The following ZNF276 variants were observed in gnomAD, a reference collection of about 807,000 sequenced individuals.
ZNF276 encodes the protein zinc finger protein 276, also known as centromere protein Z.
Under a neutral mutation model 63.9 loss-of-function variants are expected in ZNF276, and 59 were observed. The observed-to-expected ratio is 0.92, with a 90% CI of 0.75 to 1.15. The LOEUF is 1.15. Ranked by LOEUF, ZNF276 falls within the 50% of genes most tolerant of loss-of-function variation. The probability of loss-of-function intolerance (pLI) is 0.00; values close to 1 mark genes in which losing one functional copy is unlikely to be tolerated. For synonymous variants in ZNF276, 496 were observed against 348.4 expected (o/e 1.42, Z -4.72); for missense variants, 1,084 against 843.8 (o/e 1.28, Z -3.53).
intron 5 of ZNF276, 36 bp downstream of exon 5, chr16:89,727,393 C>G (rs955842135): frequency 1.9e-6 from 3 of 1,601,420 alleles, no homozygotes; most frequent in Non-Finnish European, 2.6e-6. Flanking sequence ...CCTAAAATTT[C>G]TCCTTCAAAA....
At chr16:89,732,989 CCTG>C in intron 6 of ZNF276, 1 of 262,338 alleles carries the variant, frequency 3.8e-6, no homozygotes, top group Non-Finnish European at 7.9e-6. Flanking sequence ...TCGCCCTGAC[CCTG>C]CTGTACCCTG....
chr16:89,739,581 ACT>A lies in ZNF276; in HGVS notation c.*1338_*1339del, dbSNP rs1007466072. The A allele has an allele frequency of 3.9e-6, 6 of 1,549,044 alleles. 1 individual carries two copies. In the African/African-American group the frequency reaches 5.5e-5, roughly 14 times the overall value. ...GCAACACCAAGAAGTGGCTCAGGCA[ACT>A]CTGGACATCTCTGCCTATTATCAGT... On this transcript the variant is annotated 3_prime_UTR_variant, in exon 11 of 11. Coordinates refer to ENST00000443381, the MANE Select transcript of ZNF276 (RefSeq NM_001113525.2).
In ZNF276 at chr16:89,739,334, A is replaced by G; in HGVS notation, c.*1088A>G. Reference sequence around the variant, plus strand: ...GACAAATGGCTACAGACTGCTGGAAAGGTAGCAGGTGATGCCAAGGGATAC... The same window carrying G: ...GACAAATGGCTACAGACTGCTGGAAGGGTAGCAGGTGATGCCAAGGGATAC... On this transcript the variant is annotated 3_prime_UTR_variant, in exon 11 of 11. Transcript: ENST00000443381. The G allele has an allele frequency of 1.9e-6, 3 of 1,611,664 alleles. No individual in the cohort carries two copies. Among genetic ancestry groups the G allele is most frequent in the African/African-American group, 1.3e-5 (1 of 75,028 alleles).
chr16:89,740,515 A>G lies in ZNF276; in HGVS notation c.*2269A>G, dbSNP rs886845437. The G allele has an allele frequency of 8.0e-6, 4 of 498,418 alleles. No individual in the cohort carries two copies. The highest frequency in any genetic ancestry group is 1.4e-5 in the Non-Finnish European group (4 of 277,988). 30.9% of individuals were successfully genotyped at this position (498,418 alleles called of 1,614,324 possible). On this transcript the variant is annotated 3_prime_UTR_variant, in exon 11 of 11. Transcript: ENST00000443381. ...CCGGGTGTGACAGACTCACGCCTGT[A>G]ATCCCAGCTACTCGGGAGGCTGATG...
chr16:89,731,316 C>T (rs1352034903), intron 6 of ZNF276, among the ~76,000 whole-genome samples: 2 of 152,218 alleles, frequency 1.3e-5, no homozygotes, highest in African/African-American at 2.4e-5. Flanking sequence ...TGCAGTGGCA[C>T]GATCTTGGCT....
At chr16:89,733,103 C>T (rs1179196993) in intron 6 of ZNF276, 199 bp from the exon 7 acceptor site, 1 of 607,164 alleles carries the variant, frequency 1.6e-6, no homozygotes, top group South Asian at 2.0e-5. Context: ...GCGCCCTTGC[C>T]CTCTGCTGTG....
upstream of ZNF276, chr16:89,720,437 A>G (rs2151649145): frequency 2.9e-6 from 3 of 1,049,046 alleles, no homozygotes; most frequent in Middle Eastern, 4.4e-4. Context: ...GCACGAACGC[A>G]CGGACCTGCC....
At position 89,739,933 on chromosome 16, in the gene ZNF276, T is replaced by G. The variant is rs1382310475; in HGVS notation, c.*1687T>G. The G allele has an allele frequency of 6.2e-7, 1 of 1,605,956 alleles. No homozygotes were observed. Among genetic ancestry groups the G allele is most frequent in the Non-Finnish European group, 8.5e-7 (1 of 1,173,854 alleles). ...CAAGGAGGGCTCGTTCTTAACCATT[T>G]GCAAGATGCCTCTGAAAAGAGCGGC... On this transcript the variant is annotated 3_prime_UTR_variant, in exon 11 of 11. Coordinates refer to ENST00000443381, the MANE Select transcript of ZNF276 (RefSeq NM_001113525.2).
intron 9 of ZNF276, 58 bp from the exon 10 acceptor site, chr16:89,737,748 G>C (rs976046168): frequency 1.2e-6 from 2 of 1,606,592 alleles, no homozygotes; most frequent in Non-Finnish European, 1.7e-6. Context: ...TGTCATCGTC[G>C]TCCCCCCGGG....
chr16:89,733,352 C>G lies in ZNF276; in HGVS notation c.1220C>G (p.Pro407Arg), dbSNP rs965568901. 1.2e-6 allele frequency: 2 copies of G among 1,614,124 alleles called. No homozygotes were observed. Among genetic ancestry groups the G allele is most frequent in the Non-Finnish European group, 1.7e-6 (2 of 1,180,044 alleles). Reference sequence around the variant, plus strand: ...AAAGAAGCCAAGAAGTCTGAAGAACCAAGAATTCGGAAGAAGCCGGGACCC... The same window carrying G: ...AAAGAAGCCAAGAAGTCTGAAGAACGAAGAATTCGGAAGAAGCCGGGACCC... The part of the protein sequence containing the change: ...ESKEAKKSEE[P>R]RIRKKPGPKP... The change falls in exon 7 of 11, where the codon CCA becomes CGA. Residue 407 changes from proline (P) to arginine (R), a missense_variant. Pro to Arg is a moderately radical substitution (Grantham distance 103). Transcript: ENST00000443381.
intron 3 of ZNF276, 21 bp downstream of exon 3, chr16:89,723,204 G>C (rs750622700): frequency 6.2e-7 from 1 of 1,613,164 alleles, no homozygotes; most frequent in African/African-American, 1.3e-5. Flanking sequence ...CCCCGGTGGA[G>C]GGTGGGCTGG....
intron 9 of ZNF276, among the ~76,000 whole-genome samples, chr16:89,736,721 G>A (rs913927783): frequency 6.2e-5 from 9 of 145,126 alleles, no homozygotes; most frequent in African/African-American, 2.3e-4. Flanking sequence ...CTTAAGCCTG[G>A]GAGTTCCAGG....
Position 89,734,016 on chromosome 16 carries a change from C to G in ZNF276, c.1452C>G (p.Arg484=), listed in dbSNP as rs559803564. 6.2e-7 allele frequency: 1 copy of G among 1,614,096 alleles called. No homozygotes were observed. The highest frequency in any genetic ancestry group is 8.5e-7 in the Non-Finnish European group (1 of 1,180,024). ...KVFMIDRYLQ[R]HVKLIHTEVR... ...TCATGATCGACCGCTACCTGCAGCG[C>G]CACGTGAAGCTCATCCACACAGGTA... Residue 484 remains arginine (R), a synonymous_variant, in exon 9 of 11, where the codon CGC becomes CGG. Transcript: ENST00000443381.
rs1555534173 is a variant in ZNF276, at chr16:89,740,243, G to GT, written c.*1998dup. 6 of 755,860 alleles carry GT rather than the reference G, an allele frequency of 7.9e-6. No homozygotes were observed. Among genetic ancestry groups the GT allele is most frequent in the Non-Finnish European group, 1.4e-5 (6 of 423,778 alleles). The allele number at this position is 755,860 out of a possible 1,614,324, so 46.8% of individuals were successfully genotyped here. ...CTGGTGACAGTTTTACCTATAGAAG[G>GT]TAATACTGGGCCTCTGGACAGAAGA... On this transcript the variant is annotated 3_prime_UTR_variant, in exon 11 of 11. Coordinates refer to ENST00000443381, the MANE Select transcript of ZNF276 (RefSeq NM_001113525.2).
upstream of ZNF276, chr16:89,720,894 G>A: frequency 7.6e-7 from 1 of 1,323,412 alleles, no homozygotes. Flanking sequence ...GGCGGTAGCC[G>A]AGGGGCTGGA....
At chr16:89,736,262 G>A (rs761048461) in intron 9 of ZNF276, among the ~76,000 whole-genome samples, 14 of 151,932 alleles carry the variant, frequency 9.2e-5, no homozygotes, top group Non-Finnish European at 1.6e-4. Context: ...CCTGACCTCA[G>A]GTGATTTGCC....
At chr16:89,728,427 G>T (rs1400867910) in intron 5 of ZNF276, among the ~76,000 whole-genome samples, 1 of 150,502 alleles carries the variant, frequency 6.6e-6, no homozygotes, top group Non-Finnish European at 1.5e-5. Context: ...TATTTGAGAC[G>T]GAGTCTCGCT....
At chr16:89,735,297 G>A (rs1051119017) in intron 9 of ZNF276, among the ~76,000 whole-genome samples, 1 of 151,118 alleles carries the variant, frequency 6.6e-6, no homozygotes, top group East Asian at 2.0e-4. Flanking sequence ...GGTGGGGGGG[G>A]GCCTGGAACC....
rs1416658548 is a variant in ZNF276 at position 89,740,006 on chromosome 16, A to G, written c.*1760A>G. On this transcript the variant is annotated 3_prime_UTR_variant, in exon 11 of 11. Transcript: ENST00000443381. ...GCGTGTTTCTTACCACTCTCTGTCA[A>G]CTGAAAGAGTGCCAGCCAGGATATC... The G allele has an allele frequency of 1.9e-6, 3 of 1,614,020 alleles. No individual in the cohort carries two copies. The highest frequency in any genetic ancestry group is 2.7e-5 in the African/African-American group (2 of 74,914).
Sources: gnomAD v4.1 joint callset for allele counts (sites outside exome capture counted in the v4.1 genomes callset) on GRCh38, gnomAD v4.1.1 for gene constraint, MANE v1.5 for transcripts, NCBI Gene and HGNC (gene_info 2026-07-23, HGNC 2026-07-21) for gene names.